The following L3MBTL2 variants were observed in gnomAD, a reference collection of about 807,000 sequenced individuals.
The protein encoded by L3MBTL2 is lethal(3)malignant brain tumor-like protein 2.
Under a neutral mutation model 86.4 loss-of-function variants are expected in L3MBTL2, and 49 were observed. That is an observed-to-expected ratio of 0.57 (90% CI 0.45 to 0.72). The LOEUF (loss-of-function observed/expected upper bound fraction) is 0.72. Ranked by LOEUF, L3MBTL2 falls within the 30% of genes least tolerant of loss-of-function variation. The probability of loss-of-function intolerance (pLI) is 0.00; values close to 1 mark genes in which losing one functional copy is unlikely to be tolerated. For missense variants in L3MBTL2, 755 were observed against 923.7 expected, an observed-to-expected ratio of 0.82 and a Z score of 2.37; for synonymous variants, 336 against 350.6, an observed-to-expected ratio of 0.96 and a Z score of 0.47.
At position 41,227,212 on chromosome 22, in the gene L3MBTL2, G is replaced by C. The variant is rs2145614996; in HGVS notation, c.1711G>C (p.Asp571His). Reference protein sequence around the residue: ...VVHRLLSIHFDGWDSEYDQWV... With the variant: ...VVHRLLSIHFHGWDSEYDQWV... ...GCATCGGCTCCTCAGCATCCACTTT[G>C]ACGGCTGGGACAGCGAGTACGACCA... Residue 571 changes from aspartate (D) to histidine (H), a missense_variant, in exon 14 of 17, where the codon GAC (aspartate) becomes CAC (histidine). Around this residue, in one of 3 missense-constraint regions of L3MBTL2, gnomAD observed 634 missense variants for 748.9 expected, o/e 0.85. Transcript: ENST00000216237. This position sits in a 1 kb window ranked among gnomAD's most constrained non-coding sequence, Gnocchi z 6.0. The C allele has an allele frequency of 6.2e-7, 1 of 1,613,552 alleles. No individual in the cohort carries two copies. Among genetic ancestry groups the C allele is most frequent in the East Asian group, 2.2e-5 (1 of 44,884 alleles).
At chr22:41,216,987 C>A in intron 4 of L3MBTL2, 136 bp from the exon 5 acceptor site, 1 of 646,206 alleles carries the variant, frequency 1.5e-6, no homozygotes, top group Non-Finnish European at 2.7e-6. Context: ...AGGAGGGTGT[C>A]GTGGGCAGCG....
intron 4 of L3MBTL2, 39 bp downstream of exon 4, chr22:41,216,301 G>T: frequency 1.9e-6 from 3 of 1,599,086 alleles, no homozygotes; most frequent in Non-Finnish European, 2.6e-6. Flanking sequence ...AGCTGCCGTG[G>T]CTGGGGAGGA....
intron 4 of L3MBTL2, 91 bp from the exon 5 acceptor site, chr22:41,217,032 C>T (rs2031434715): frequency 5.2e-6 from 5 of 963,592 alleles, no homozygotes; most frequent in Non-Finnish European, 6.6e-6. Context: ...GGGGACCTAC[C>T]TCTGCAGGTC....
intron 8 of L3MBTL2, among the ~76,000 whole-genome samples, chr22:41,222,376 G>C (rs1040661816): frequency 1.8e-4 from 28 of 152,242 alleles, no homozygotes; most frequent in Admixed American, 1.7e-3. Flanking sequence ...CCAGTCTGGG[G>C]CGCCTCTGGG....
Position 41,224,127 on chromosome 22 carries a change from G to A in L3MBTL2, c.1050G>A (p.Gly350=). 6.2e-7 allele frequency: 1 copy of A among 1,614,018 alleles called. No homozygotes were observed. The highest frequency in any genetic ancestry group is 1.1e-5 in the South Asian group (1 of 91,064). The change falls in exon 9 of 17, where the codon GGG becomes GGA. Residue 350 remains glycine (G), a synonymous_variant. Coordinates refer to ENST00000216237, the MANE Select transcript of L3MBTL2 (RefSeq NM_031488.5). The surrounding 1 kb of genome is among the most constrained non-coding windows in gnomAD (Gnocchi z 4.9). ...TRMAVVDTVI[G]GRLRLLYEDG... is the part of the protein sequence containing the mutation. The stretch of plus-strand genomic sequence containing the variant: ...TGGCTGTGGTGGACACAGTAATCGG[G>A]GGTCGCCTACGGCTCCTCTACGAGG...
intron 1 of L3MBTL2, among the ~76,000 whole-genome samples, chr22:41,208,774 T>TTAC (rs1299526345): frequency 6.6e-6 from 1 of 152,188 alleles, no homozygotes; most frequent in African/African-American, 2.4e-5. Flanking sequence ...AGACAGCATC[T>TTAC]CACTCCATTA....
At chr22:41,205,448 C>T (rs1601476883) in intron 1 of L3MBTL2, 62 bp downstream of exon 1, 1 of 1,598,072 alleles carries the variant, frequency 6.3e-7, no homozygotes, top group Non-Finnish European at 8.6e-7. Context: ...GCTCCGTGGG[C>T]CCTTCTTTAG....
At position 41,209,738 on chromosome 22, in the gene L3MBTL2, G is replaced by A. The variant is rs148691612; in HGVS notation, c.67G>A (p.Asp23Asn). 26 of 1,614,034 alleles carry A rather than the reference G, an allele frequency of 1.6e-5. No individual in the cohort carries two copies. The highest frequency in any genetic ancestry group is 5.3e-5 in the African/African-American group (4 of 74,922). The change falls in exon 2 of 17, where the codon GAC becomes AAC. Residue 23 changes from aspartate (D) to asparagine (N), a missense_variant. Physicochemically the swap from Asp to Asn is conservative, Grantham distance 23. Around this residue, in one of 3 missense-constraint regions of L3MBTL2, gnomAD observed 103 missense variants for 105.2 expected, o/e 0.98. Coordinates refer to ENST00000216237, the MANE Select transcript of L3MBTL2 (RefSeq NM_031488.5). ...ACCAATGGAGGAAGAGGAAGATGAC[G>A]ACTTGGAGCTGTTTGGTGGCTATGA... is the stretch of plus-strand genomic sequence containing the variant. Reference protein sequence around the residue: ...SEPMEEEEDDDLELFGGYDSF... With the variant: ...SEPMEEEEDDNLELFGGYDSF...
chr22:41,225,160 G>A lies in L3MBTL2; in HGVS notation c.1356+89G>A, dbSNP rs2032093944. 2 of 1,008,920 alleles carry A rather than the reference G, an allele frequency of 2.0e-6. No homozygotes were observed. The highest frequency in any genetic ancestry group is 1.6e-5 in the African/African-American group (1 of 62,150). 62.5% of individuals were successfully genotyped at this position (1,008,920 alleles called of 1,614,324 possible). On this transcript the variant is annotated intron_variant, in intron 11 of 16. Transcript: ENST00000216237. This position sits in a 1 kb window ranked among gnomAD's most constrained non-coding sequence, Gnocchi z 4.1. ...GCTCTAACCCCACTCGCCACCGTCA[G>A]GGGGTCTGTGTCCCAGCCTCTCATC...
rs1401057364 is a variant in L3MBTL2, at chr22:41,217,167, A to G, written c.565A>G (p.Ser189Gly). 3.7e-6 allele frequency: 6 copies of G among 1,613,918 alleles called. No homozygotes were observed. Among genetic ancestry groups the G allele is most frequent in the Non-Finnish European group, 4.2e-6 (5 of 1,179,990 alleles). The change falls in exon 5 of 17, where the codon AGT (serine) becomes GGT (glycine). Residue 189 changes from serine (S) to glycine (G), a missense_variant. Physicochemically the swap from Ser to Gly is moderately conservative, Grantham distance 56. This residue lies in a region of L3MBTL2 where 634 missense variants were observed against 748.9 expected (regional missense o/e 0.85). Coordinates refer to ENST00000216237, the MANE Select transcript of L3MBTL2 (RefSeq NM_031488.5). ...CTGGGGGAAGTTCCTGAAGGATCAC[A>G]GTTACAAGGCTGCTCCCGTCAGCTG... is the stretch of plus-strand genomic sequence containing the variant. ...FDWGKFLKDH[S>G]YKAAPVSCFK...
In L3MBTL2 at chr22:41,214,036, AATCACTTGG is replaced by A. The variant is rs2031133686; in HGVS notation, c.396+14_396+22del. The A allele has an allele frequency of 2.5e-6, 4 of 1,613,854 alleles. No homozygotes were observed. The African/African-American group carries it at 4.0e-5, about 16-fold the overall frequency. On this transcript the variant is annotated intron_variant, in intron 3 of 16. Coordinates refer to ENST00000216237, the MANE Select transcript of L3MBTL2 (RefSeq NM_031488.5). The stretch of plus-strand genomic sequence containing the variant: ...CTTGGCTAGGTTACAGGTGAGAGGC[AATCACTTGG>A]ATCCTTCCCGGTGCCTTTGGTGCTG...
rs149861456 is a variant in L3MBTL2, at chr22:41,215,813, T to C, written c.397-326T>C. ...TTCTGGGCCCCTGTGAGGCCCATTC[T>C]TTGCTTTGGATCTATCAGTAGCGAC... On this transcript the variant is annotated intron_variant, in intron 3 of 16. Transcript: ENST00000216237. Among the ~76,000 whole-genome samples, 1,478 of 152,328 alleles carry C rather than the reference T, an allele frequency of 9.7e-3. 58 individuals are homozygous for C. The highest frequency in any genetic ancestry group is 0.078 in the Admixed American group (1,197 of 15,294).
rs775030325 is a variant in L3MBTL2, at chr22:41,224,023, G to T, written c.946G>T (p.Val316Leu). 6.2e-7 allele frequency: 1 copy of T among 1,613,950 alleles called. No homozygotes were observed. Among genetic ancestry groups the T allele is most frequent in the South Asian group, 1.1e-5 (1 of 91,078 alleles). The change falls in exon 9 of 17, where the codon GTG becomes TTG. Residue 316 changes from valine to leucine, a missense_variant. By Grantham distance (32) the Val-to-Leu change is conservative (BLOSUM62 1). Transcript: ENST00000216237. The surrounding 1 kb of genome is among the most constrained non-coding windows in gnomAD (Gnocchi z 4.9). ...CTGTGTTCTGACGTCGTTTCAGATGGTGGAGAGCATGAAGTACCCCTTTAG... is the reference window on the plus strand; with the variant it reads ...CTGTGTTCTGACGTCGTTTCAGATGTTGGAGAGCATGAAGTACCCCTTTAG... ...TLPVDFHIKM[V>L]ESMKYPFRQG...
intron 15 of L3MBTL2, chr22:41,228,126 G>A (rs1569153324): frequency 4.1e-6 from 4 of 985,380 alleles, no homozygotes; most frequent in Non-Finnish European, 4.8e-6. Context: ...GAGGAAAAGA[G>A]GTAAGAGATT....
At chr22:41,216,428 G>T (rs187067887) in intron 4 of L3MBTL2, among the ~76,000 whole-genome samples, 166 bp downstream of exon 4, 2 of 152,258 alleles carry the variant, frequency 1.3e-5, no homozygotes, top group East Asian at 3.9e-4. Flanking sequence ...GGGTATTGTG[G>T]AAATTACCCA....
At chr22:41,205,416 G>A (rs2030122605) in intron 1 of L3MBTL2, 30 bp downstream of exon 1, 3 of 1,613,826 alleles carry the variant, frequency 1.9e-6, no homozygotes, top group Non-Finnish European at 2.5e-6. Flanking sequence ...GCGTGACTGG[G>A]AAAGGGAACT....
chr22:41,225,828 A>G lies in L3MBTL2; in HGVS notation c.1391A>G (p.Asp464Gly), dbSNP rs773521516. 4 of 1,613,952 alleles carry G rather than the reference A, an allele frequency of 2.5e-6. No individual in the cohort carries two copies. Among genetic ancestry groups the G allele is most frequent in the Non-Finnish European group, 2.5e-6 (3 of 1,179,918 alleles). ...GATGGATACCTGATGATCTGTGTGG[A>G]CGGGGGGCCCTCCACAGATGGCTTG... ...LLDGYLMICVDGGPSTDGLDW... is the reference protein window; with the variant it reads ...LLDGYLMICVGGGPSTDGLDW... The change falls in exon 12 of 17, where the codon GAC becomes GGC. Residue 464 changes from aspartate to glycine, a missense_variant. Around this residue, in one of 3 missense-constraint regions of L3MBTL2, gnomAD observed 634 missense variants for 748.9 expected, o/e 0.85. Coordinates refer to ENST00000216237, the MANE Select transcript of L3MBTL2 (RefSeq NM_031488.5). The surrounding 1 kb of genome is among the most constrained non-coding windows in gnomAD (Gnocchi z 4.1).
Position 41,230,456 on chromosome 22 carries a change from C to G in L3MBTL2, c.*205C>G. On this transcript the variant is annotated 3_prime_UTR_variant, in exon 17 of 17. Transcript: ENST00000216237. ...CTTCTGCCCTCCCCTGTGGAAAGGT[C>G]TATATGACGGGCCGCCTGAGGCCCC... is the stretch of plus-strand genomic sequence containing the variant. 1.8e-6 allele frequency: 1 copy of G among 543,630 alleles called. No homozygotes were observed. Among genetic ancestry groups the G allele is most frequent in the Admixed American group, 3.4e-5 (1 of 29,072 alleles). 33.7% of individuals were successfully genotyped at this position (543,630 alleles called of 1,614,324 possible). A position where few individuals can be genotyped will look rare whatever the true frequency, so the allele number is the denominator to read the frequency against.
chr22:41,231,237 C>G lies in L3MBTL2; in HGVS notation c.*986C>G, dbSNP rs544029050. The G allele has an allele frequency of 6.6e-6, 1 of 152,228 alleles. No homozygotes were observed. Among genetic ancestry groups the G allele is most frequent in the African/African-American group, 2.4e-5 (1 of 41,456 alleles). The allele number at this position is 152,228 out of a possible 1,614,324, so 9.4% of individuals were successfully genotyped here. On this transcript the variant is annotated 3_prime_UTR_variant, in exon 17 of 17. Coordinates refer to ENST00000216237, the MANE Select transcript of L3MBTL2 (RefSeq NM_031488.5). ...GCAACCTCACTGGGCTCCCCAGACTCTGTGTGTGAGAAATTAAACCCCCTG... is the reference window on the plus strand; with the variant it reads ...GCAACCTCACTGGGCTCCCCAGACTGTGTGTGTGAGAAATTAAACCCCCTG...
Sources: allele counts gnomAD v4.1 joint callset (sites outside exome capture counted in the v4.1 genomes callset), GRCh38; gene constraint gnomAD v4.1.1; regional missense constraint gnomAD v4.1.1; non-coding constraint Gnocchi (gnomAD v3.1); transcripts MANE v1.5; gene names NCBI Gene and HGNC (gene_info 2026-07-23, HGNC 2026-07-21).